Variants in INPP5A observed in about 807,000 individuals in gnomAD.
INPP5A encodes the protein 43 kDa inositol polyphosphate 5-phophatase.
In INPP5A, 14 loss-of-function variants were observed where a neutral mutation model predicts 65.2. The ratio of observed to expected loss-of-function variants is 0.21; its 90% confidence interval spans 0.14 to 0.34. The LOEUF (loss-of-function observed/expected upper bound fraction) is 0.34, where lower values mean the gene tolerates loss of function less well. Ranked by LOEUF, INPP5A falls within the 10% of genes least tolerant of loss-of-function variation. The probability of loss-of-function intolerance (pLI) is 1.00; values close to 1 mark genes in which losing one functional copy is unlikely to be tolerated. For missense variants in INPP5A, 431 were observed against 545.6 expected (o/e 0.79, Z 2.09); for synonymous variants, 207 against 208.3 (o/e 0.99, Z 0.05).
chr10:132,749,845 G>A lies in INPP5A; in HGVS notation c.903G>A (p.Ala301=), dbSNP rs142848612. The A allele has an allele frequency of 9.3e-5, 150 of 1,612,754 alleles. No homozygotes were observed. Among genetic ancestry groups the A allele is most frequent in the African/African-American group, 2.5e-4 (19 of 74,902 alleles). ...TTTTCCGAGACAACAACGGCACCGC[G>A]GTGAGTTTGTGGTCCAATGTGGCAG... The part of the protein sequence containing the change: ...QEVFRDNNGT[A]LLEFDKELSV... The change falls in exon 11 of 16, where the codon GCG becomes GCA. Residue 301 remains alanine, a splice_region_variant and synonymous_variant. Coordinates refer to ENST00000368594, the MANE Select transcript of INPP5A (RefSeq NM_005539.5).
intron 12 of INPP5A, among the ~76,000 whole-genome samples, chr10:132,770,169 C>T (rs1846924015): frequency 6.6e-6 from 1 of 152,152 alleles, no homozygotes; most frequent in Non-Finnish European, 1.5e-5. Flanking sequence ...CCTCAGCGTC[C>T]CCCTCAGGAT....
intron 4 of INPP5A, among the ~76,000 whole-genome samples, chr10:132,689,152 C>G (rs1845211666): frequency 6.6e-6 from 1 of 152,234 alleles, no homozygotes; most frequent in South Asian, 2.1e-4. Flanking sequence ...CAGGCTCACA[C>G]AGACACAGTG....
chr10:132,719,497 T>C (rs1255219348), intron 8 of INPP5A, among the ~76,000 whole-genome samples: 7 of 147,630 alleles, frequency 4.7e-5, no homozygotes, highest in African/African-American at 1.9e-4. Context: ...CTGTGGTACC[T>C]GGGTTCTGTC....
chr10:132,747,993 C>T (rs1016634853), intron 9 of INPP5A, among the ~76,000 whole-genome samples: 4 of 152,158 alleles, frequency 2.6e-5, no homozygotes, highest in South Asian at 4.1e-4. Flanking sequence ...AAGGTTAAAA[C>T]GAGCCTTGAT....
intron 1 of INPP5A, among the ~76,000 whole-genome samples, chr10:132,607,018 G>A (rs1418793712): frequency 6.6e-6 from 1 of 151,904 alleles, no homozygotes; most frequent in Admixed American, 6.6e-5. Context: ...TGGAGCTGGG[G>A]TGCTTCCTGA....
intron 12 of INPP5A, among the ~76,000 whole-genome samples, chr10:132,770,903 G>C (rs1389737539): frequency 6.6e-6 from 1 of 152,192 alleles, no homozygotes; most frequent in Non-Finnish European, 1.5e-5. Flanking sequence ...CAGAGCTCAA[G>C]GGAGGGGTCT....
At chr10:132,771,073 C>T (rs4880424) in intron 12 of INPP5A, among the ~76,000 whole-genome samples, 24,402 of 152,210 alleles carry the variant, frequency 0.16, 2,370 homozygotes, top group Non-Finnish European at 0.22. Flanking sequence ...TGTTAGCCAC[C>T]GAGGTCTAAG....
chr10:132,567,440 G>A (rs539760966), intron 1 of INPP5A, among the ~76,000 whole-genome samples: 16 of 152,276 alleles, frequency 1.1e-4, no homozygotes, highest in African/African-American at 3.4e-4. Context: ...GCTGCTGGGC[G>A]CAGCCCCTTG....
intron 2 of INPP5A, among the ~76,000 whole-genome samples, chr10:132,615,833 A>C: frequency 6.6e-6 from 1 of 151,814 alleles, no homozygotes; most frequent in East Asian, 1.9e-4. Context: ...TTGGAGACTG[A>C]GGGGCTGGGA....
intron 1 of INPP5A, among the ~76,000 whole-genome samples, chr10:132,579,574 G>C (rs2071455268): frequency 6.6e-6 from 1 of 152,146 alleles, no homozygotes; most frequent in Non-Finnish European, 1.5e-5. Context: ...AGAAGGGTGA[G>C]CTCCATTCTC....
At chr10:132,774,894 G>A (rs1433948162) in intron 12 of INPP5A, among the ~76,000 whole-genome samples, 3 of 85,100 alleles carry the variant, frequency 3.5e-5, no homozygotes, top group East Asian at 3.1e-4. Context: ...CAGGGAGGAG[G>A]GGCAGGGAGG....
At chr10:132,702,027 G>A (rs560591070) in intron 6 of INPP5A, among the ~76,000 whole-genome samples, 2 of 152,248 alleles carry the variant, frequency 1.3e-5, no homozygotes, top group South Asian at 4.1e-4. Flanking sequence ...CCAAGGATGC[G>A]ACCGCACCTG....
At chr10:132,564,398 G>C (rs1188900002) in intron 1 of INPP5A, among the ~76,000 whole-genome samples, 1 of 152,122 alleles carries the variant, frequency 6.6e-6, no homozygotes, top group Non-Finnish European at 1.5e-5. Context: ...TGGAGGCCCT[G>C]ACCTGCTCAA....
chr10:132,721,351 C>T (rs1439710556), intron 8 of INPP5A, among the ~76,000 whole-genome samples: 3 of 145,514 alleles, frequency 2.1e-5, no homozygotes, highest in Non-Finnish European at 4.5e-5. Context: ...TACCTGGATT[C>T]TTTCTGGGGG....
At chr10:132,658,408 A>G (rs1267719498) in intron 4 of INPP5A, among the ~76,000 whole-genome samples, 3 of 152,144 alleles carry the variant, frequency 2.0e-5, no homozygotes, top group Non-Finnish European at 4.4e-5. Context: ...TGCTTTATTT[A>G]GGACCTTCCA....
intron 1 of INPP5A, among the ~76,000 whole-genome samples, chr10:132,556,784 T>TC (rs1057029107): frequency 1.3e-5 from 2 of 152,090 alleles, no homozygotes; most frequent in Admixed American, 1.3e-4. Context: ...GGATTTTTTT[T>TC]TTTGGTTTTC....
chr10:132,659,779 G>A lies in INPP5A; in HGVS notation c.306+9274G>A, dbSNP rs1247539280. On this transcript the variant is annotated intron_variant, in intron 4 of 15. Transcript: ENST00000368594. The surrounding 1 kb of genome is among the most constrained non-coding windows in gnomAD (Gnocchi z 5.5). ...GCACTGTCCCGAGTCAGGTCTGCAC[G>A]GCTTCATGGCTGCCTGCCCTGGGAG... 1.3e-5 allele frequency among the ~76,000 whole-genome samples: 2 copies of A among 152,190 alleles called. No homozygotes were observed. Among genetic ancestry groups the A allele is most frequent in the South Asian group, 2.1e-4 (1 of 4,826 alleles).
intron 1 of INPP5A, among the ~76,000 whole-genome samples, chr10:132,556,381 G>A (rs2071126054): frequency 1.3e-5 from 2 of 152,186 alleles, no homozygotes; most frequent in South Asian, 2.1e-4. Context: ...GCACCTCCAC[G>A]GGGACCAGGG....
At chr10:132,580,941 A>G (rs768738913) in intron 1 of INPP5A, among the ~76,000 whole-genome samples, 1 of 152,262 alleles carries the variant, frequency 6.6e-6, no homozygotes, top group African/African-American at 2.4e-5. Context: ...TCCTAAGTAC[A>G]CATTTGCTGA....
Sources: gnomAD v4.1 joint callset for allele counts (sites outside exome capture counted in the v4.1 genomes callset) on GRCh38, gnomAD v4.1.1 for gene constraint, Gnocchi (gnomAD v3.1) non-coding constraint, MANE v1.5 for transcripts, NCBI Gene and HGNC (gene_info 2026-07-23, HGNC 2026-07-21) for gene names.